Variants in NAALADL2 observed in about 807,000 individuals in gnomAD.
The protein encoded by NAALADL2 is N-acetylated alpha-linked acidic dipeptidase like 2, also known as inactive N-acetylated-alpha-linked acidic dipeptidase-like protein 2.
A neutral mutation model predicts 87.2 loss-of-function variants in NAALADL2; 76 were observed. That is an observed-to-expected ratio of 0.87 (90% confidence interval 0.72 to 1.05). The LOEUF (loss-of-function observed/expected upper bound fraction) is 1.05, where lower values mean the gene tolerates loss of function less well. NAALADL2 is among the 50% of genes least tolerant of loss of function. The pLI is 0.00. For missense variants in NAALADL2, 1,089 were observed against 945.8 expected (o/e 1.15, Z -1.99); for synonymous variants, 354 against 331.0 (o/e 1.07, Z -0.75).
chr3:174,600,846 A>C (rs1405293022), intron 2 of NAALADL2, among the ~76,000 whole-genome samples: 1 of 152,164 alleles, frequency 6.6e-6, no homozygotes, highest in East Asian at 1.9e-4. Context: ...CAAAAGGGGA[A>C]ATCTGCTCCC....
intron 1 of NAALADL2, among the ~76,000 whole-genome samples, chr3:174,883,018 T>C (rs1729621855): frequency 6.6e-6 from 1 of 151,822 alleles, no homozygotes; most frequent in Non-Finnish European, 1.5e-5. Context: ...GGAAAGCCAG[T>C]CCGAGATCCA....
chr3:175,004,095 G>C (rs1210180274), intron 1 of NAALADL2, among the ~76,000 whole-genome samples: 1 of 152,196 alleles, frequency 6.6e-6, no homozygotes, highest in East Asian at 1.9e-4. Context: ...CATAGCATTG[G>C]CCAGGAATGG....
chr3:174,632,373 C>A (rs532093499), intron 2 of NAALADL2, among the ~76,000 whole-genome samples: 2 of 152,162 alleles, frequency 1.3e-5, no homozygotes, highest in East Asian at 3.9e-4. Context: ...CATGCCCTCA[C>A]GTTGATTACA....
intron 11 of NAALADL2, among the ~76,000 whole-genome samples, chr3:175,699,176 C>T (rs886607828): frequency 6.6e-6 from 1 of 151,894 alleles, no homozygotes; most frequent in Non-Finnish European, 1.5e-5. Flanking sequence ...CAAATTTTTG[C>T]TGGCAATACC....
chr3:174,877,455 A>G (rs970226077), intron 1 of NAALADL2, among the ~76,000 whole-genome samples: 9 of 152,074 alleles, frequency 5.9e-5, no homozygotes, highest in Non-Finnish European at 2.9e-5. Context: ...AATTCTCCCT[A>G]TTTCAGGCAT....
Position 175,374,553 on chromosome 3 carries a change from GAAAAAAAAAAAAAAA to G in NAALADL2, c.1090+50246_1090+50260del, listed in dbSNP as rs765485400. Reference sequence around the variant, plus strand: ...AGTGCTGAGTACCACTGCATCTCCAGAAAAAAAAAAAAAAAAAAAAAAAAAAAAAAAAGAAAGTTA... The same window carrying G: ...AGTGCTGAGTACCACTGCATCTCCAGAAAAAAAAAAAAAAAAAGAAAGTTA... On this transcript the variant is annotated intron_variant, in intron 5 of 13. Coordinates refer to ENST00000454872, the MANE Select transcript of NAALADL2 (RefSeq NM_207015.3). 1.5e-3 allele frequency among the ~76,000 whole-genome samples: 67 copies of G among 45,414 alleles called. 1 individual carries two copies. The South Asian group carries it at 0.05, about 34-fold the overall frequency. The allele number at this position is 45,414 out of a possible 152,430, so 29.8% of individuals were successfully genotyped here. A position where few individuals can be genotyped will look rare whatever the true frequency, so the allele number is the denominator to read the frequency against.
At chr3:175,546,797 A>T (rs1582344285) in intron 9 of NAALADL2, among the ~76,000 whole-genome samples, 1 of 152,004 alleles carries the variant, frequency 6.6e-6, no homozygotes, top group African/African-American at 2.4e-5. Context: ...TGCCTGTAAC[A>T]TTTTTTGTTT....
intron 2 of NAALADL2, among the ~76,000 whole-genome samples, chr3:175,106,290 A>G (rs1475658771): frequency 6.6e-6 from 1 of 152,090 alleles, no homozygotes; most frequent in African/African-American, 2.4e-5. Flanking sequence ...ATGTTGTATT[A>G]ATTAGCGGGA....
rs115555353 is a variant in NAALADL2, at chr3:174,961,636, A to G, written c.43+102186A>G. Among the ~76,000 whole-genome samples the G allele has an allele frequency of 4.5e-3, 684 of 152,188 alleles. 10 individuals carry two copies. The highest frequency in any genetic ancestry group is 0.015 in the African/African-American group (641 of 41,548). On this transcript the variant is annotated intron_variant, in intron 1 of 13. Coordinates refer to ENST00000454872, the MANE Select transcript of NAALADL2 (RefSeq NM_207015.3). ...CTGAGGGGAAAAGAGATTAAATAGC[A>G]TGCTCAAGTCTCATAATTAGCGGCA...
At chr3:175,236,122 A>G (rs925213756) in intron 3 of NAALADL2, among the ~76,000 whole-genome samples, 1 of 152,096 alleles carries the variant, frequency 6.6e-6, no homozygotes, top group African/African-American at 2.4e-5. Context: ...GATTCACTGG[A>G]TCTGGAAAAT....
At chr3:174,477,359 G>A (rs1560006118) in intron 1 of NAALADL2, among the ~76,000 whole-genome samples, 4 of 152,044 alleles carry the variant, frequency 2.6e-5, no homozygotes, top group Non-Finnish European at 4.4e-5. Context: ...AAACTGGATG[G>A]AATAAAACCA....
At chr3:175,302,758 TACTC>T (rs766591630) in intron 4 of NAALADL2, among the ~76,000 whole-genome samples, 2 of 152,066 alleles carry the variant, frequency 1.3e-5, no homozygotes, top group African/African-American at 4.8e-5. Flanking sequence ...GTGTGGTACT[TACTC>T]AATTTAAATG....
intron 13 of NAALADL2, among the ~76,000 whole-genome samples, chr3:175,781,652 TA>T (rs1751100787): frequency 7.1e-6 from 1 of 141,304 alleles, no homozygotes; most frequent in Non-Finnish European, 1.5e-5. Flanking sequence ...TTTTCATTTT[TA>T]GCAAAAAAAA....
intron 2 of NAALADL2, among the ~76,000 whole-genome samples, chr3:175,103,903 C>T (rs936325548): frequency 2.0e-5 from 3 of 152,050 alleles, no homozygotes; most frequent in African/African-American, 7.2e-5. Context: ...AATCTCTGTC[C>T]AATCTACCTA....
At chr3:175,028,881 G>A (rs1398607489) in intron 1 of NAALADL2, among the ~76,000 whole-genome samples, 1 of 151,460 alleles carries the variant, frequency 6.6e-6, no homozygotes, top group Non-Finnish European at 1.5e-5. Context: ...ACTTCGTAGT[G>A]TTTCTTTGTA....
intron 5 of NAALADL2, among the ~76,000 whole-genome samples, chr3:175,445,588 A>C (rs1720557322): frequency 6.6e-6 from 1 of 152,170 alleles, no homozygotes; most frequent in African/African-American, 2.4e-5. Flanking sequence ...ACAAGTATTC[A>C]TGTACATCAC....
At chr3:175,566,744 A>G (rs1717206634) in intron 9 of NAALADL2, among the ~76,000 whole-genome samples, 1 of 152,078 alleles carries the variant, frequency 6.6e-6, no homozygotes, top group African/African-American at 2.4e-5. Flanking sequence ...ATATCAGTTC[A>G]TCTTCATTAA....
At chr3:174,662,944 C>T (rs1041247068) in intron 2 of NAALADL2, among the ~76,000 whole-genome samples, 10 of 152,166 alleles carry the variant, frequency 6.6e-5, no homozygotes, top group Non-Finnish European at 1.5e-4. Context: ...ACATAGATGA[C>T]ACTCATCTAT....
intron 3 of NAALADL2, among the ~76,000 whole-genome samples, chr3:174,757,530 C>T (rs1025083862): frequency 1.5e-4 from 23 of 151,576 alleles, no homozygotes; most frequent in Admixed American, 9.2e-4. Context: ...CTCGCTCTGT[C>T]GCCCAGGCTG....
Sources: allele counts gnomAD v4.1 joint callset (sites outside exome capture counted in the v4.1 genomes callset), GRCh38; gene constraint gnomAD v4.1.1; transcripts MANE v1.5; gene names NCBI Gene and HGNC (gene_info 2026-07-23, HGNC 2026-07-21).